Variants in IMMP2L observed in about 807,000 individuals in gnomAD.
IMMP2L encodes inner mitochondrial membrane peptidase subunit 2.
A neutral mutation model predicts 19.3 loss-of-function variants in IMMP2L; 18 were observed. That is an observed-to-expected ratio of 0.93 (90% CI 0.64 to 1.38). The LOEUF (loss-of-function observed/expected upper bound fraction) is 1.38. IMMP2L is among the 40% of genes most tolerant of loss of function. The probability of loss-of-function intolerance (pLI) is 0.00; values close to 1 mark genes in which losing one functional copy is unlikely to be tolerated. For synonymous variants in IMMP2L, 76 were observed against 73.0 expected, an observed-to-expected ratio of 1.04 and a Z score of -0.21; for missense variants, 233 against 218.2, an observed-to-expected ratio of 1.07 and a Z score of -0.43.
At chr7:111,186,583 C>T (rs745376013) in intron 3 of IMMP2L, among the ~76,000 whole-genome samples, 1 of 152,042 alleles carries the variant, frequency 6.6e-6, no homozygotes, top group South Asian at 2.1e-4. Flanking sequence ...CACGTGCCAC[C>T]AAGCCTGGCT....
chr7:110,775,963 G>A (rs1554413612), intron 5 of IMMP2L, among the ~76,000 whole-genome samples: 1 of 137,238 alleles, frequency 7.3e-6, no homozygotes, highest in African/African-American at 3.0e-5. Context: ...ATACACACAT[G>A]TAAAAAAAAA....
At chr7:110,832,960 T>C (rs1219022360) in intron 5 of IMMP2L, among the ~76,000 whole-genome samples, 1 of 152,192 alleles carries the variant, frequency 6.6e-6, no homozygotes, top group Non-Finnish European at 1.5e-5. Flanking sequence ...TGACATGTTT[T>C]CCTCTGGGAA....
intron 3 of IMMP2L, among the ~76,000 whole-genome samples, chr7:111,276,470 T>C (rs1213828281): frequency 2.6e-5 from 4 of 152,078 alleles, no homozygotes; most frequent in Non-Finnish European, 5.9e-5. Context: ...TAGAGTAAGT[T>C]AGGAAGAATT....
chr7:111,048,067 G>A (rs1047020485), intron 3 of IMMP2L, among the ~76,000 whole-genome samples: 11 of 151,294 alleles, frequency 7.3e-5, no homozygotes, highest in Admixed American at 2.0e-4. Flanking sequence ...GTGAAACCCC[G>A]TCTCTACTAA....
intron 3 of IMMP2L, among the ~76,000 whole-genome samples, chr7:111,382,754 A>G (rs1030217191): frequency 6.6e-6 from 1 of 152,130 alleles, no homozygotes; most frequent in Non-Finnish European, 1.5e-5. Flanking sequence ...AACAGAAGAA[A>G]GAACACCTCT....
chr7:111,422,688 T>A (rs185297333), intron 3 of IMMP2L, among the ~76,000 whole-genome samples: 12 of 152,004 alleles, frequency 7.9e-5, no homozygotes, highest in Admixed American at 7.9e-4. Context: ...CTTCCTCTTT[T>A]CCTAACTGAA....
chr7:111,087,144 A>G (rs1210804440), intron 3 of IMMP2L, among the ~76,000 whole-genome samples: 1 of 152,130 alleles, frequency 6.6e-6, no homozygotes. Context: ...TACACTGCCA[A>G]TTGAAGGTAA....
intron 3 of IMMP2L, among the ~76,000 whole-genome samples, chr7:111,084,385 A>G (rs1267758385): frequency 6.6e-6 from 1 of 152,022 alleles, no homozygotes; most frequent in Non-Finnish European, 1.5e-5. Flanking sequence ...CACGTAGAGT[A>G]CAGAGTGCCT....
At chr7:110,978,679 TAA>T (rs1370988137) in intron 3 of IMMP2L, among the ~76,000 whole-genome samples, 2 of 151,950 alleles carry the variant, frequency 1.3e-5, no homozygotes, top group Non-Finnish European at 2.9e-5. Flanking sequence ...CTGTTTAAAA[TAA>T]GTTTATCATC....
chr7:111,186,927 C>A lies in IMMP2L; in HGVS notation c.240-223362G>T, dbSNP rs186453403. Among the ~76,000 whole-genome samples the A allele has an allele frequency of 4.6e-5, 7 of 151,898 alleles. No individual in the cohort carries two copies. In the East Asian group the frequency reaches 1.2e-3, roughly 25 times the overall value. On this transcript the variant is annotated intron_variant, in intron 3 of 5. Transcript: ENST00000405709. The stretch of plus-strand genomic sequence containing the variant: ...CTACAATTTTCTGTAACTTCCCCCT[C>A]GTCCTTGCTTTTTTTAAAAAAAAAA...
intron 3 of IMMP2L, among the ~76,000 whole-genome samples, chr7:111,402,530 G>T (rs1833515337): frequency 6.6e-6 from 1 of 151,970 alleles, no homozygotes; most frequent in South Asian, 2.1e-4. Context: ...AGGCAACACA[G>T]TGAAACCCCG....
At chr7:110,876,033 AC>A (rs1419462053) in intron 5 of IMMP2L, among the ~76,000 whole-genome samples, 8 of 152,310 alleles carry the variant, frequency 5.3e-5, no homozygotes, top group African/African-American at 1.4e-4. Flanking sequence ...CTTCAAAAAA[AC>A]GGATACATTT....
At chr7:110,922,560 T>TA (rs1471789625) in intron 4 of IMMP2L, among the ~76,000 whole-genome samples, 15 of 152,166 alleles carry the variant, frequency 9.9e-5, no homozygotes, top group Non-Finnish European at 2.2e-4. Flanking sequence ...GAACGGATTT[T>TA]AAAAATTAAG....
At chr7:110,668,993 T>C (rs1197272777) in intron 5 of IMMP2L, among the ~76,000 whole-genome samples, 1 of 150,454 alleles carries the variant, frequency 6.6e-6, no homozygotes, top group Admixed American at 6.7e-5. Context: ...CTGGCTGTAT[T>C]AGTTAGGTTC....
intron 4 of IMMP2L, among the ~76,000 whole-genome samples, chr7:110,951,670 C>A (rs1817848351): frequency 6.6e-6 from 1 of 151,766 alleles, no homozygotes; most frequent in Non-Finnish European, 1.5e-5. Flanking sequence ...ATAACTTTGC[C>A]AAGGTTACAC....
At chr7:111,322,885 C>G (rs116465974) in intron 3 of IMMP2L, among the ~76,000 whole-genome samples, 3,462 of 151,236 alleles carry the variant, frequency 0.023, 134 homozygotes, top group African/African-American at 0.079. Context: ...TATATCAAAG[C>G]CTACGTCTCC....
chr7:111,168,329 A>G (rs1562879491), intron 3 of IMMP2L, among the ~76,000 whole-genome samples: 1 of 151,316 alleles, frequency 6.6e-6, no homozygotes, highest in Non-Finnish European at 1.5e-5. Context: ...TGAGCATTCT[A>G]AACTCATTTA....
At chr7:111,453,032 A>G (rs1314808681) in intron 3 of IMMP2L, among the ~76,000 whole-genome samples, 3 of 152,090 alleles carry the variant, frequency 2.0e-5, no homozygotes, top group Non-Finnish European at 4.4e-5. Context: ...ACCAGTATCA[A>G]ACTCCCCACC....
intron 3 of IMMP2L, among the ~76,000 whole-genome samples, chr7:111,004,987 A>C (rs539458424): frequency 6.6e-6 from 1 of 152,278 alleles, no homozygotes; most frequent in African/African-American, 2.4e-5. Context: ...CCAGGTTGCT[A>C]TAAGATCCAA....
Sources: gnomAD v4.1 joint callset for allele counts (sites outside exome capture counted in the v4.1 genomes callset) on GRCh38, gnomAD v4.1.1 for gene constraint, MANE v1.5 for transcripts, NCBI Gene and HGNC (gene_info 2026-07-23, HGNC 2026-07-21) for gene names.